Variants in MYH10 observed in about 807,000 individuals in gnomAD.
MYH10 encodes the protein myosin heavy chain 10, also known as myosin-10.
In MYH10, 55 loss-of-function variants were observed where a neutral mutation model predicts 257.8. That is an observed-to-expected ratio of 0.21 (90% CI 0.17 to 0.27). The LOEUF is 0.27. Among genes scored for constraint, MYH10 ranks in the 10% least tolerant of loss-of-function variants. The pLI, the probability that MYH10 is intolerant of heterozygous loss-of-function variation, is 1.00. For synonymous variants in MYH10, 854 were observed against 921.7 expected, an observed-to-expected ratio of 0.93 and a Z score of 1.33; for missense variants, 1,631 against 2,500.6, an observed-to-expected ratio of 0.65 and a Z score of 7.42.
At chr17:8,570,855 G>A (rs12325856) in intron 6 of MYH10, among the ~76,000 whole-genome samples, 76,114 of 151,898 alleles carry the variant, frequency 0.5, 20,090 homozygotes, top group Middle Eastern at 0.62. Context: ...CTGTCACGCC[G>A]CCCTGGTGTG....
rs2083258704 is a variant in MYH10, at chr17:8,569,206, A to G, written c.756+514T>C. Among the ~76,000 whole-genome samples, 1 of 126,938 alleles carries G rather than the reference A, an allele frequency of 7.9e-6. No individual in the cohort carries two copies. Among genetic ancestry groups the G allele is most frequent in the Admixed American group, 8.5e-5 (1 of 11,734 alleles). The allele number at this position is 126,938 out of a possible 152,430, so 83.3% of individuals were successfully genotyped here. A position where few individuals can be genotyped will look rare whatever the true frequency, so the allele number is the denominator to read the frequency against. ...CACTGCACTCCAGGCTGGGTGACAG[A>G]GCAAGACCCTGTCTCAAAAAAAAAA... On this transcript the variant is annotated intron_variant, in intron 7 of 42. Transcript: ENST00000360416. This position sits in a 1 kb window ranked among gnomAD's most constrained non-coding sequence, Gnocchi z 4.1.
chr17:8,490,156 C>T lies in MYH10; in HGVS notation c.4884+184G>A, dbSNP rs891268692. 1 of 579,624 alleles carries T rather than the reference C, an allele frequency of 1.7e-6. No homozygotes were observed. The highest frequency in any genetic ancestry group is 3.0e-6 in the Non-Finnish European group (1 of 331,530). The allele number at this position is 579,624 out of a possible 1,614,324, so 35.9% of individuals were successfully genotyped here. A position where few individuals can be genotyped will look rare whatever the true frequency, so the allele number is the denominator to read the frequency against. On this transcript the variant is annotated intron_variant, in intron 35 of 42. Coordinates refer to ENST00000360416, the MANE Select transcript of MYH10 (RefSeq NM_001256012.3). This position sits in a 1 kb window ranked among gnomAD's most constrained non-coding sequence, Gnocchi z 4.1. ...GAATGATACTGAGAAATAGTAAGAC[C>T]TAAACTAATTACAATAAAATTTAAA...
In MYH10 at chr17:8,495,233, T is replaced by C. The variant is rs768361772; in HGVS notation, c.3960A>G (p.Leu1320=). Residue 1320 remains leucine, a synonymous_variant, in exon 31 of 43, where the codon CTA becomes CTG. Coordinates refer to ENST00000360416, the MANE Select transcript of MYH10 (RefSeq NM_001256012.3). ...AEKASKLQNE[L]DNVSTLLEEA... Reference sequence around the variant, plus strand: ...CTTCCAGAAGGGTGGAGACATTATCTAGCTCATTCTGTAAGGAGCAGAAGA... The same window carrying C: ...CTTCCAGAAGGGTGGAGACATTATCCAGCTCATTCTGTAAGGAGCAGAAGA... 1.2e-6 allele frequency: 2 copies of C among 1,602,448 alleles called. No individual in the cohort carries two copies. Among genetic ancestry groups the C allele is most frequent in the Admixed American group, 3.3e-5 (2 of 59,992 alleles).
rs370870007 is a variant in MYH10, at chr17:8,497,695, C to T, written c.3951+1575G>A. ...CAGAGCTTGCAGTGAGCCGAGATTG[C>T]GCCACTGCACTCCAGCCTGGCCGAC... On this transcript the variant is annotated intron_variant, in intron 30 of 42. Transcript: ENST00000360416. Among the ~76,000 whole-genome samples the T allele has an allele frequency of 1.2e-4, 14 of 117,470 alleles. No homozygotes were observed. In the East Asian group the frequency reaches 3.3e-3, roughly 28 times the overall value. 77.1% of individuals were successfully genotyped at this position (117,470 alleles called of 152,430 possible). A position where few individuals can be genotyped will look rare whatever the true frequency, so the allele number is the denominator to read the frequency against.
At chr17:8,563,965 T>G (rs1436335173) in intron 7 of MYH10, among the ~76,000 whole-genome samples, 1 of 151,692 alleles carries the variant, frequency 6.6e-6, no homozygotes, top group Non-Finnish European at 1.5e-5. Context: ...ATAGAGAAAG[T>G]GATTCTAACT....
At chr17:8,551,847 C>A (rs2082653141) in intron 9 of MYH10, among the ~76,000 whole-genome samples, 199 bp downstream of exon 9, 7 of 152,014 alleles carry the variant, frequency 4.6e-5, no homozygotes, top group Admixed American at 4.6e-4. Flanking sequence ...ATTATATTAT[C>A]TACAATACCT....
chr17:8,490,589 G>A lies in MYH10; in HGVS notation c.4672-37C>T. ...AAGCATCAGGAAAGAGTTGACCGGG[G>A]TGGAGGCACATATGAAGAACAGCAG... On this transcript the variant is annotated intron_variant, in intron 34 of 42. Transcript: ENST00000360416. The surrounding 1 kb of genome is among the most constrained non-coding windows in gnomAD (Gnocchi z 4.1). 1.3e-6 allele frequency: 2 copies of A among 1,592,266 alleles called. No homozygotes were observed. The highest frequency in any genetic ancestry group is 1.7e-6 in the Non-Finnish European group (2 of 1,160,404).
In MYH10 at chr17:8,552,025, G is replaced by C. The variant is rs2151964474; in HGVS notation, c.919+21C>G. 7.5e-7 allele frequency: 1 copy of C among 1,336,804 alleles called. No individual in the cohort carries two copies. The highest frequency in any genetic ancestry group is 1.0e-6 in the Non-Finnish European group (1 of 987,638). The allele number at this position is 1,336,804 out of a possible 1,614,324, so 82.8% of individuals were successfully genotyped here. On this transcript the variant is annotated intron_variant, in intron 9 of 42. Transcript: ENST00000360416. The surrounding 1 kb of genome is among the most constrained non-coding windows in gnomAD (Gnocchi z 4.8). ...GAGATATTCCAGTGAATATAAAATA[G>C]TAAAAACCTTTGTAACTTACACTTT...
At position 8,492,372 on chromosome 17, in the gene MYH10, C is replaced by G; in HGVS notation, c.4596G>C (p.Glu1532Asp). 1 of 1,613,880 alleles carries G rather than the reference C, an allele frequency of 6.2e-7. No individual in the cohort carries two copies. Among genetic ancestry groups the G allele is most frequent in the Non-Finnish European group, 8.5e-7 (1 of 1,180,046 alleles). Residue 1532 changes from glutamate to aspartate, a missense_variant, in exon 34 of 43, where the codon GAG becomes GAC. Around this residue, in one of 11 missense-constraint regions of MYH10, gnomAD observed 463 missense variants for 621.8 expected, o/e 0.74. Coordinates refer to ENST00000360416, the MANE Select transcript of MYH10 (RefSeq NM_001256012.3). Reference protein sequence around the residue: ...ALEEALEAKEEFERQNKQLRA... With the variant: ...ALEEALEAKEDFERQNKQLRA... Reference sequence around the variant, plus strand: ...GGAGCTGCTTGTTCTGCCTCTCAAACTCCTCCTTGGCCTCCAGGGCTTCCT... The same window carrying G: ...GGAGCTGCTTGTTCTGCCTCTCAAAGTCCTCCTTGGCCTCCAGGGCTTCCT...
chr17:8,571,039 A>G (rs392554), intron 6 of MYH10, among the ~76,000 whole-genome samples: 146,815 of 152,244 alleles, frequency 0.96, 71,027 homozygotes, highest in East Asian at 1. Flanking sequence ...CAGTCTTGTC[A>G]AGAACCTCAA....
intron 7 of MYH10, among the ~76,000 whole-genome samples, chr17:8,554,525 C>T (rs1251416864): frequency 6.6e-6 from 1 of 151,722 alleles, no homozygotes; most frequent in Non-Finnish European, 1.5e-5. Context: ...AACAATTTTA[C>T]AAATTTCTAA....
intron 2 of MYH10, among the ~76,000 whole-genome samples, chr17:8,606,395 G>C (rs2084808588): frequency 6.6e-6 from 1 of 152,184 alleles, no homozygotes; most frequent in African/African-American, 2.4e-5. Context: ...TTATGAAACA[G>C]ATCTTTTATT....
intron 30 of MYH10, among the ~76,000 whole-genome samples, chr17:8,495,679 T>G (rs776899322): frequency 7.2e-5 from 11 of 152,198 alleles, no homozygotes; most frequent in African/African-American, 1.2e-4. Flanking sequence ...CACATTCTTA[T>G]AGAACTTGAA....
At chr17:8,529,050 G>T (rs1440716131) in intron 17 of MYH10, among the ~76,000 whole-genome samples, 1 of 152,182 alleles carries the variant, frequency 6.6e-6, no homozygotes, top group African/African-American at 2.4e-5. Context: ...TCATTCACTA[G>T]CATGAAGTCA....
chr17:8,500,870 T>C lies in MYH10; in HGVS notation c.3700A>G (p.Thr1234Ala), dbSNP rs1470408788. The C allele has an allele frequency of 6.2e-7, 1 of 1,614,022 alleles. No homozygotes were observed. The highest frequency in any genetic ancestry group is 8.5e-7 in the Non-Finnish European group (1 of 1,180,022). Residue 1234 changes from threonine (T) to alanine (A), a missense_variant, in exon 29 of 43, where the codon ACA (threonine) becomes GCA (alanine). This residue lies in a region of MYH10 where 463 missense variants were observed against 621.8 expected (regional missense o/e 0.74). Transcript: ENST00000360416. ...TGCTCTGAGAGCTCCTCCAGGGCTG[T>C]TGCGTGTCTTTGTCTCATGTCCTGG... ...QIQDMRQRHA[T>A]ALEELSEQLE... is the part of the protein sequence containing the mutation.
rs144335174 is a variant in MYH10 at position 8,535,186 on chromosome 17, T to A, written c.1894+201A>T. On this transcript the variant is annotated intron_variant, in intron 16 of 42. Coordinates refer to ENST00000360416, the MANE Select transcript of MYH10 (RefSeq NM_001256012.3). This position sits in a 1 kb window ranked among gnomAD's most constrained non-coding sequence, Gnocchi z 4.3. ...CTCCTACAACATCTGACCAAGAAGGTAGCTGTCTCTGTATTCATTTCTTAA... is the reference window on the plus strand; with the variant it reads ...CTCCTACAACATCTGACCAAGAAGGAAGCTGTCTCTGTATTCATTTCTTAA... 2.5e-3 allele frequency among the ~76,000 whole-genome samples: 378 copies of A among 152,328 alleles called. 3 individuals carry two copies. The highest frequency in any genetic ancestry group is 6.3e-3 in the African/African-American group (260 of 41,574).
intron 2 of MYH10, among the ~76,000 whole-genome samples, chr17:8,613,598 C>T (rs2085127493): frequency 6.6e-6 from 1 of 151,982 alleles, no homozygotes; most frequent in Non-Finnish European, 1.5e-5. Flanking sequence ...GGACAGCTAA[C>T]ACGAGGTGAA....
At chr17:8,561,014 C>T in intron 7 of MYH10, 1 of 543,722 alleles carries the variant, frequency 1.8e-6, no homozygotes, top group Non-Finnish European at 3.3e-6. Context: ...CTTTCTGTAG[C>T]TCAGGAGAGC....
At chr17:8,547,748 T>TAC (rs896837283) in intron 11 of MYH10, among the ~76,000 whole-genome samples, 1 of 144,802 alleles carries the variant, frequency 6.9e-6, no homozygotes, top group Non-Finnish European at 1.5e-5. Flanking sequence ...ATATTATATA[T>TAC]ACATATATTT....
Sources: gnomAD v4.1 joint callset for allele counts (sites outside exome capture counted in the v4.1 genomes callset) on GRCh38, gnomAD v4.1.1 for gene constraint, gnomAD v4.1.1 regional missense constraint, Gnocchi (gnomAD v3.1) non-coding constraint, MANE v1.5 for transcripts, NCBI Gene and HGNC (gene_info 2026-07-23, HGNC 2026-07-21) for gene names.